Variants in KIF14 observed in about 807,000 individuals in gnomAD.
KIF14 encodes kinesin-like protein KIF14.
Under a neutral mutation model 176.2 loss-of-function variants are expected in KIF14, and 98 were observed. The observed-to-expected ratio is 0.56, with a 90% CI of 0.47 to 0.66. KIF14 has a LOEUF of 0.66. Among genes scored for constraint, KIF14 ranks in the 30% least tolerant of loss-of-function variants. The pLI, the probability that KIF14 is intolerant of heterozygous loss-of-function variation, is 0.00. For synonymous variants in KIF14, 566 were observed against 632.2 expected (o/e 0.90, Z 1.57); for missense variants, 1,751 against 1,920.4 (o/e 0.91, Z 1.65).
In KIF14 at chr1:200,617,936, A is replaced by G. The variant is rs1468296471; in HGVS notation, c.788T>C (p.Ile263Thr). ...NLYHRSIGKE[I>T]AKTSNKFGSL... ...CCCAAATTTATTTGAAGTTTTTGCA[A>G]TTTCCTTCCCAATACTTCTATGATA... is the stretch of plus-strand genomic sequence containing the variant. The change falls in exon 2 of 30, where the codon ATT becomes ACT. Residue 263 changes from isoleucine to threonine, a missense_variant. Coordinates refer to ENST00000367350, the MANE Select transcript of KIF14 (RefSeq NM_014875.3). 5 of 1,613,740 alleles carry G rather than the reference A, an allele frequency of 3.1e-6. No individual in the cohort carries two copies. The highest frequency in any genetic ancestry group is 3.3e-4 in the Middle Eastern group (2 of 6,084).
intron 29 of KIF14, among the ~76,000 whole-genome samples, chr1:200,554,221 T>C (rs1656707747): frequency 6.6e-6 from 1 of 152,040 alleles, no homozygotes; most frequent in African/African-American, 2.4e-5. Flanking sequence ...TGAAACCCCA[T>C]CTCTACTAAA....
intron 22 of KIF14, among the ~76,000 whole-genome samples, chr1:200,574,896 A>T (rs1658006521): frequency 1.3e-5 from 2 of 152,098 alleles, no homozygotes; most frequent in African/African-American, 2.4e-5. Context: ...GTAACTTACA[A>T]GAAAATATCA....
chr1:200,610,215 T>A (rs1188016010), intron 4 of KIF14, among the ~76,000 whole-genome samples: 3 of 152,002 alleles, frequency 2.0e-5, no homozygotes, highest in Non-Finnish European at 4.4e-5. Flanking sequence ...ATAAAAAAAA[T>A]TTTGGCTGGG....
At chr1:200,575,189 C>A (rs1037031114) in intron 22 of KIF14, among the ~76,000 whole-genome samples, 10 of 152,012 alleles carry the variant, frequency 6.6e-5, no homozygotes, top group Non-Finnish European at 1.3e-4. Flanking sequence ...ATCTCCTGAC[C>A]TCGTGATCCA....
chr1:200,598,096 G>A (rs1659448845), intron 14 of KIF14, 141 bp downstream of exon 14: 1 of 668,704 alleles, frequency 1.5e-6, no homozygotes, highest in Non-Finnish European at 2.5e-6. Context: ...CACTCAGAAT[G>A]TATGTTTTTC....
rs1398242938 is a variant in KIF14 at position 200,581,213 on chromosome 1, T to C, written c.3323A>G (p.Tyr1108Cys). 8.9e-6 allele frequency: 14 copies of C among 1,577,852 alleles called. No homozygotes were observed. Among genetic ancestry groups the C allele is most frequent in the East Asian group, 4.6e-5 (2 of 43,508 alleles). The change falls in exon 20 of 30, where the codon TAT (tyrosine) becomes TGT (cysteine). Residue 1108 changes from tyrosine to cysteine, a missense_variant. Transcript: ENST00000367350. Reference protein sequence around the residue: ...NAISSKLKTYYVFGRHDISDK... With the variant: ...NAISSKLKTYCVFGRHDISDK... ...ATTAATTACTCACCTGCCAAAAACA[T>C]AGTATGTTTTCAATTTGCTGCTGAT... is the stretch of plus-strand genomic sequence containing the variant.
chr1:200,565,282 T>C (rs1321095270), intron 24 of KIF14, 29 bp from the exon 25 acceptor site: 4 of 1,561,132 alleles, frequency 2.6e-6, no homozygotes, highest in Non-Finnish European at 3.5e-6. Context: ...AATTACTGAA[T>C]GAAATATTAT....
chr1:200,575,525 ACAC>A, intron 22 of KIF14, 63 bp downstream of exon 22: 1 of 377,900 alleles, frequency 2.6e-6, no homozygotes, highest in South Asian at 4.6e-5. Flanking sequence ...TACAATTTAC[ACAC>A]ACACACACAC....
chr1:200,613,226 C>T (rs1660245938), intron 4 of KIF14, among the ~76,000 whole-genome samples: 1 of 152,156 alleles, frequency 6.6e-6, no homozygotes, highest in Admixed American at 6.5e-5. Flanking sequence ...CCTCAAATTC[C>T]ATGCTCAAAA....
chr1:200,556,046 T>A (rs962871060), intron 27 of KIF14, among the ~76,000 whole-genome samples: 2 of 152,258 alleles, frequency 1.3e-5, no homozygotes, highest in Non-Finnish European at 2.9e-5. Flanking sequence ...TGTTATTTGA[T>A]TCTCCATTAT....
chr1:200,610,794 CAGAAAAGGGAAAATTTAGGATGGCCAG>C (rs777691044), intron 4 of KIF14, among the ~76,000 whole-genome samples: 4 of 151,862 alleles, frequency 2.6e-5, no homozygotes, highest in Non-Finnish European at 5.9e-5. Flanking sequence ...TATGACTAAT[CAGAAAAGGGAAAATTTAGGATGGCCAG>C]AGAAAAGGGA....
In KIF14 at chr1:200,560,873, C is replaced by G; in HGVS notation, c.4079G>C (p.Cys1360Ser). ...GYLQLFLQGC[C>S]LDISSMIKEA... ...TTTTATCATTGATGAAATATCCAAA[C>G]AGCATCCCTGTAAGATAAAAATGGA... Residue 1360 changes from cysteine to serine, a missense_variant, in exon 26 of 30, where the codon TGT (cysteine) becomes TCT (serine). Coordinates refer to ENST00000367350, the MANE Select transcript of KIF14 (RefSeq NM_014875.3). 6.2e-7 allele frequency: 1 copy of G among 1,612,976 alleles called. No individual in the cohort carries two copies. Among genetic ancestry groups the G allele is most frequent in the Non-Finnish European group, 8.5e-7 (1 of 1,178,968 alleles).
chr1:200,603,789 A>G (rs1236178129), intron 9 of KIF14, 50 bp downstream of exon 9: 9 of 1,137,006 alleles, frequency 7.9e-6, no homozygotes, highest in Non-Finnish European at 1.1e-5. Context: ...CCTTAAAATA[A>G]TGACCTCAGG....
At position 200,598,332 on chromosome 1, in the gene KIF14, A is replaced by G. The variant is rs766141471; in HGVS notation, c.2454T>C (p.Tyr818=). The change falls in exon 14 of 30, where the codon TAT becomes TAC. Residue 818 remains tyrosine, a synonymous_variant. Coordinates refer to ENST00000367350, the MANE Select transcript of KIF14 (RefSeq NM_014875.3). ...CTGTAGTTGTTCCTTCTTTTATCAT[A>G]TATAGCAGCATCTCAGATAGTTGTG... ...EDPQLSEMLL[Y]MIKEGTTTVG... is the part of the protein sequence containing the mutation. 1.9e-6 allele frequency: 3 copies of G among 1,613,348 alleles called. No individual in the cohort carries two copies. In the Admixed American group the frequency reaches 5.0e-5, roughly 27 times the overall value.
rs1328214672 is a variant in KIF14, at chr1:200,565,447, T to G, written c.3884A>C (p.Asn1295Thr). The change falls in exon 24 of 30, where the codon AAC (asparagine) becomes ACC (threonine). Residue 1295 changes from asparagine (N) to threonine (T), a missense_variant and splice_region_variant. Transcript: ENST00000367350. ...HEEQDEESQD[N>T]LFSSDRAIQS... The stretch of plus-strand genomic sequence containing the variant: ...ACAAAAGCAGTGAGATTGCTTACAG[T>G]TATCTTGACTTTCTTCATCTTGTTC... 3.2e-6 allele frequency: 5 copies of G among 1,583,356 alleles called. No individual in the cohort carries two copies. In the African/African-American group the frequency reaches 4.1e-5, roughly 13 times the overall value.
intron 22 of KIF14, among the ~76,000 whole-genome samples, chr1:200,571,703 A>G (rs1657798470): frequency 6.6e-6 from 1 of 152,246 alleles, no homozygotes; most frequent in South Asian, 2.1e-4. Flanking sequence ...TCCTACAAGA[A>G]AAACACAGAA....
In KIF14 at chr1:200,580,274, C is replaced by CT. The variant is rs765931133; in HGVS notation, c.3444dup (p.Ala1149SerfsTer7). 1 of 1,448,880 alleles carries CT rather than the reference C, an allele frequency of 6.9e-7. No individual in the cohort carries two copies. Among genetic ancestry groups the CT allele is most frequent in the Non-Finnish European group, 9.2e-7 (1 of 1,089,322 alleles). The allele number at this position is 1,448,880 out of a possible 1,614,324, so 89.8% of individuals were successfully genotyped here. ...CAAACCTCATAAAGTTCTTTCATTG[C>CT]TGCAAGTTTAGATTCAAACTTTTCC... On this transcript the variant is annotated frameshift_variant, in exon 21 of 30. Coordinates refer to ENST00000367350, the MANE Select transcript of KIF14 (RefSeq NM_014875.3). LOFTEE classifies it high-confidence loss of function.
At chr1:200,612,042 G>C (rs536892611) in intron 4 of KIF14, among the ~76,000 whole-genome samples, 3 of 149,436 alleles carry the variant, frequency 2.0e-5, no homozygotes, top group Admixed American at 6.7e-5. Flanking sequence ...TTGCTCTGTC[G>C]CCCAGGCTGG....
intron 1 of KIF14, among the ~76,000 whole-genome samples, chr1:200,619,354 T>C (rs1483785073): frequency 6.6e-6 from 1 of 152,138 alleles, no homozygotes; most frequent in Non-Finnish European, 1.5e-5. Flanking sequence ...ATTTTATTTT[T>C]ATAAAAATAT....
Sources: allele counts gnomAD v4.1 joint callset (sites outside exome capture counted in the v4.1 genomes callset), GRCh38; gene constraint gnomAD v4.1.1; transcripts MANE v1.5; gene names NCBI Gene and HGNC (gene_info 2026-07-23, HGNC 2026-07-21).